Variants in ITGA9 observed in about 807,000 individuals in gnomAD.
ITGA9 encodes the protein integrin subunit alpha 9, also known as integrin alpha-9.
A neutral mutation model predicts 127.8 loss-of-function variants in ITGA9; 56 were observed. That is an observed-to-expected ratio of 0.44 (90% CI 0.35 to 0.55). The LOEUF (loss-of-function observed/expected upper bound fraction) is 0.55. ITGA9 is among the 20% of genes least tolerant of loss of function. The probability of loss-of-function intolerance (pLI) is 0.00; values close to 1 mark genes in which losing one functional copy is unlikely to be tolerated. For missense variants in ITGA9, 1,196 were observed against 1,347.1 expected (o/e 0.89, Z 1.76); for synonymous variants, 508 against 514.5 (o/e 0.99, Z 0.17).
intron 16 of ITGA9, among the ~76,000 whole-genome samples, chr3:37,633,014 C>G (rs140039729): frequency 3.3e-5 from 5 of 152,146 alleles, no homozygotes; most frequent in African/African-American, 9.6e-5. Flanking sequence ...CCAGAAGGAG[C>G]AAGATGTGGG....
At chr3:37,634,303 T>G (rs1700256395) in intron 16 of ITGA9, among the ~76,000 whole-genome samples, 1 of 150,522 alleles carries the variant, frequency 6.6e-6, no homozygotes, top group Non-Finnish European at 1.5e-5. Context: ...CATGGAGTGG[T>G]TAAATGGATT....
At chr3:37,542,366 G>T in intron 14 of ITGA9, 59 bp from the exon 15 acceptor site, 8 of 1,564,892 alleles carry the variant, frequency 5.1e-6, no homozygotes, top group Non-Finnish European at 7.0e-6. Context: ...AGGAAAAGAG[G>T]TGGCCTCATC....
chr3:37,708,881 G>T (rs1347545418), intron 18 of ITGA9, among the ~76,000 whole-genome samples: 1 of 152,300 alleles, frequency 6.6e-6, no homozygotes, highest in East Asian at 1.9e-4. Context: ...CAGCATGATG[G>T]CGTTTAAGTT....
chr3:37,581,009 G>A (rs1337044248), intron 15 of ITGA9, among the ~76,000 whole-genome samples: 1 of 152,226 alleles, frequency 6.6e-6, no homozygotes, highest in East Asian at 1.9e-4. Flanking sequence ...AAAATAATGT[G>A]TGAAGGAAAA....
intron 18 of ITGA9, among the ~76,000 whole-genome samples, chr3:37,727,015 C>G (rs1016576983): frequency 1.3e-5 from 2 of 152,172 alleles, no homozygotes; most frequent in African/African-American, 4.8e-5. Flanking sequence ...ATAGCTTAGC[C>G]TAGCCTACTT....
chr3:37,549,081 G>C (rs940652309), intron 15 of ITGA9, among the ~76,000 whole-genome samples: 19 of 152,220 alleles, frequency 1.2e-4, no homozygotes, highest in African/African-American at 4.6e-4. Context: ...GACCACGCTG[G>C]AAGTCAGCTC....
chr3:37,742,558 C>T (rs1696451273), intron 21 of ITGA9, among the ~76,000 whole-genome samples: 1 of 152,188 alleles, frequency 6.6e-6, no homozygotes, highest in Non-Finnish European at 1.5e-5. Flanking sequence ...AGAGTGCATA[C>T]CTCTTTGATA....
chr3:37,796,468 TG>T (rs1199547720), intron 26 of ITGA9, among the ~76,000 whole-genome samples: 12 of 116,650 alleles, frequency 1.0e-4, no homozygotes, highest in Non-Finnish European at 2.2e-4. Context: ...GTTGGTTGGT[TG>T]GATGGATGGA....
rs959171806 is a variant in ITGA9 at position 37,535,475 on chromosome 3, T to C, written c.1528+2007T>C. On this transcript the variant is annotated intron_variant, in intron 14 of 27. Transcript: ENST00000264741. ...TCTGGGGCCCCATCTAGCATGAGCC[T>C]TTCACAGACTGCTAAGCATAATTAG... Among the ~76,000 whole-genome samples the C allele has an allele frequency of 6.6e-5, 10 of 152,288 alleles. No individual in the cohort carries two copies. In the East Asian group the frequency reaches 1.7e-3, roughly 26 times the overall value.
At chr3:37,723,648 C>T (rs902556057) in intron 18 of ITGA9, among the ~76,000 whole-genome samples, 2 of 152,236 alleles carry the variant, frequency 1.3e-5, no homozygotes, top group South Asian at 2.1e-4. Context: ...AGGCATGAGA[C>T]ACTGTGCCCT....
chr3:37,554,077 G>A (rs538921555), intron 15 of ITGA9, among the ~76,000 whole-genome samples: 15 of 152,204 alleles, frequency 9.9e-5, no homozygotes, highest in African/African-American at 3.4e-4. Context: ...AAGGATCCTT[G>A]TCCCCCTGGG....
In ITGA9 at chr3:37,466,483, C is replaced by CAAAAAAAAAAAAAAAAAAAAA. The variant is rs60980366; in HGVS notation, c.186-4514_186-4494dup. On this transcript the variant is annotated intron_variant, in intron 1 of 27. Coordinates refer to ENST00000264741, the MANE Select transcript of ITGA9 (RefSeq NM_002207.3). ...TGGGTAACAGAGCAAGACACCATCT[C>CAAAAAAAAAAAAAAAAAAAAA]AAAAAAAAAAAAAAAAAAAAAAAAA... Among the ~76,000 whole-genome samples, 5 of 26,068 alleles carry CAAAAAAAAAAAAAAAAAAAAA rather than the reference C, an allele frequency of 1.9e-4. 1 individual carries two copies. Among genetic ancestry groups the CAAAAAAAAAAAAAAAAAAAAA allele is most frequent in the Non-Finnish European group, 2.9e-4 (5 of 16,992 alleles). The allele number at this position is 26,068 out of a possible 152,430, so 17.1% of individuals were successfully genotyped here. A position where few individuals can be genotyped will look rare whatever the true frequency, so the allele number is the denominator to read the frequency against.
chr3:37,670,146 C>T (rs1361188059), intron 17 of ITGA9, among the ~76,000 whole-genome samples: 1 of 150,122 alleles, frequency 6.7e-6, no homozygotes, highest in Admixed American at 6.6e-5. Flanking sequence ...AGAACAATTT[C>T]ACCTCCTAAG....
At chr3:37,458,829 C>G (rs935090959) in intron 1 of ITGA9, among the ~76,000 whole-genome samples, 2 of 152,230 alleles carry the variant, frequency 1.3e-5, no homozygotes, top group African/African-American at 4.8e-5. Flanking sequence ...AGCTGACTCA[C>G]AAGGTGCCTC....
At chr3:37,592,818 C>T (rs577953217) in intron 15 of ITGA9, among the ~76,000 whole-genome samples, 64 of 152,218 alleles carry the variant, frequency 4.2e-4, no homozygotes, top group Non-Finnish European at 6.8e-4. Context: ...GTCAAGTGCC[C>T]AGCAGGGGTG....
At chr3:37,606,340 G>A (rs993224593) in intron 15 of ITGA9, among the ~76,000 whole-genome samples, 11 of 152,172 alleles carry the variant, frequency 7.2e-5, no homozygotes, top group Non-Finnish European at 1.3e-4. Context: ...TGGTGGAAAC[G>A]TTCTGTGTGT....
intron 18 of ITGA9, among the ~76,000 whole-genome samples, chr3:37,721,901 T>C (rs373560409): frequency 7.2e-5 from 11 of 152,352 alleles, no homozygotes; most frequent in African/African-American, 2.6e-4. Flanking sequence ...AGGCCCCGTC[T>C]GATCTATTCT....
intron 18 of ITGA9, among the ~76,000 whole-genome samples, chr3:37,687,684 A>G (rs561405584): frequency 6.6e-6 from 1 of 152,258 alleles, no homozygotes; most frequent in Admixed American, 6.5e-5. Context: ...TTAGAACAGT[A>G]TATTCCATTG....
At chr3:37,521,816 C>T (rs1230209127) in intron 11 of ITGA9, among the ~76,000 whole-genome samples, 1 of 152,198 alleles carries the variant, frequency 6.6e-6, no homozygotes, top group Non-Finnish European at 1.5e-5. Context: ...GACACACGTA[C>T]ATGTTTGTTT....
Sources: allele counts gnomAD v4.1 joint callset (sites outside exome capture counted in the v4.1 genomes callset), GRCh38; gene constraint gnomAD v4.1.1; transcripts MANE v1.5; gene names NCBI Gene and HGNC (gene_info 2026-07-23, HGNC 2026-07-21).